The following CBR4 variants were observed in gnomAD, a reference collection of about 807,000 sequenced individuals.
CBR4 encodes carbonyl reductase 4.
CBR4 carries 22 observed loss-of-function variants against 21.0 expected under a neutral mutation model. The ratio of observed to expected loss-of-function variants is 1.05; its 90% CI spans 0.75 to 1.50. The LOEUF is 1.50. CBR4 is among the 40% of genes most tolerant of loss of function. The pLI, the probability that CBR4 is intolerant of heterozygous loss-of-function variation, is 0.00. For synonymous variants in CBR4, 100 were observed against 104.4 expected (o/e 0.96, Z 0.26); for missense variants, 302 against 286.3 (o/e 1.05, Z -0.40).
intron 2 of CBR4, among the ~76,000 whole-genome samples, chr4:168,980,055 A>G (rs1007149564): frequency 5.9e-5 from 9 of 152,074 alleles, no homozygotes; most frequent in Admixed American, 1.3e-4. Context: ...ATGGCTATGT[A>G]TATCCCTGGG....
rs149453944 is a variant in CBR4, at chr4:168,938,451, A to C, written n.170-43686T>G. On this transcript the variant is annotated intron_variant and non_coding_transcript_variant, in intron 2 of 3. Coordinates refer to the CBR4 transcript ENST00000509108. ...ATTCAAAAGCTAGCAGAAGACAAGA[A>C]ATAACTAAGATCAGAGCAGAATTGA... Among the ~76,000 whole-genome samples, 668 of 152,298 alleles carry C rather than the reference A, an allele frequency of 4.4e-3. 4 individuals are homozygous for C. Among genetic ancestry groups the C allele is most frequent in the African/African-American group, 0.015 (640 of 41,566 alleles).
intron 4 of CBR4, among the ~76,000 whole-genome samples, chr4:168,996,384 T>C (rs1185105898): frequency 1.3e-5 from 2 of 152,138 alleles, no homozygotes; most frequent in Non-Finnish European, 2.9e-5. Context: ...AACGTTCAGA[T>C]AGATCCCATG....
At chr4:168,959,332 T>C (rs1763775484) in intron 2 of CBR4, among the ~76,000 whole-genome samples, 2 of 152,188 alleles carry the variant, frequency 1.3e-5, no homozygotes, top group African/African-American at 4.8e-5. Flanking sequence ...TTGTCAAAAA[T>C]CAATTGACCA....
chr4:168,975,986 G>A (rs1162633544), intron 2 of CBR4, among the ~76,000 whole-genome samples: 1 of 152,160 alleles, frequency 6.6e-6, no homozygotes, highest in Non-Finnish European at 1.5e-5. Context: ...AGCAAGCTGG[G>A]CTGAGATCTT....
intron 2 of CBR4, among the ~76,000 whole-genome samples, chr4:168,959,202 ATTT>A (rs1461480046): frequency 1.3e-5 from 2 of 152,142 alleles, no homozygotes; most frequent in African/African-American, 4.8e-5. Flanking sequence ...ATTAAAATTA[ATTT>A]TTTTGTATGG....
chr4:168,980,806 T>G lies in CBR4; in HGVS notation n.169+21265A>C, dbSNP rs558542466. Among the ~76,000 whole-genome samples the G allele has an allele frequency of 2.0e-5, 3 of 152,242 alleles. No individual in the cohort carries two copies. The East Asian group carries it at 5.8e-4, about 29-fold the overall frequency. ...ACATCCAGAAATGAAGGCAAGTGAC[T>G]ACAGTCAAGTTACACCATGATTAAA... On this transcript the variant is annotated intron_variant and non_coding_transcript_variant, in intron 2 of 3. Coordinates refer to the CBR4 transcript ENST00000509108.
chr4:168,951,008 C>T lies in CBR4; in HGVS notation n.169+51063G>A, dbSNP rs537829573. Reference sequence around the variant, plus strand: ...ATGTGTTAAGTGAGTCTCTTGAAGTCAGCAGATAGTTGGTTTGTGAGTTCT... The same window carrying T: ...ATGTGTTAAGTGAGTCTCTTGAAGTTAGCAGATAGTTGGTTTGTGAGTTCT... On this transcript the variant is annotated intron_variant and non_coding_transcript_variant, in intron 2 of 3. Transcript: ENST00000509108. 2.6e-5 allele frequency among the ~76,000 whole-genome samples: 4 copies of T among 152,276 alleles called. No individual in the cohort carries two copies. The East Asian group carries it at 7.7e-4, about 29-fold the overall frequency.
intron 3 of CBR4, among the ~76,000 whole-genome samples, chr4:169,003,119 T>C (rs1446376743): frequency 2.0e-5 from 3 of 152,234 alleles, no homozygotes; most frequent in Non-Finnish European, 4.4e-5. Context: ...CTTTCAAGTC[T>C]TATTTAAGAA....
At chr4:168,922,387 C>T (rs901784898) in intron 2 of CBR4, among the ~76,000 whole-genome samples, 3 of 152,148 alleles carry the variant, frequency 2.0e-5, no homozygotes, top group African/African-American at 7.2e-5. Flanking sequence ...TTTATTTCTT[C>T]TACCTCTTTA....
intron 2 of CBR4, among the ~76,000 whole-genome samples, chr4:168,975,497 G>A (rs920416089): frequency 6.6e-6 from 1 of 152,206 alleles, no homozygotes; most frequent in African/African-American, 2.4e-5. Flanking sequence ...GTTCTGAGTT[G>A]CTGTAGTGGC....
intron 2 of CBR4, among the ~76,000 whole-genome samples, chr4:168,914,670 A>T (rs1465108023): frequency 6.6e-6 from 1 of 152,226 alleles, no homozygotes; most frequent in Admixed American, 6.5e-5. Flanking sequence ...AAATTCAGTA[A>T]GTCAACCATC....
At chr4:168,960,920 G>A (rs915239888) in intron 2 of CBR4, among the ~76,000 whole-genome samples, 16 of 152,106 alleles carry the variant, frequency 1.1e-4, no homozygotes, top group Admixed American at 3.9e-4. Context: ...AGCTGTTTCC[G>A]GTCGAAATTA....
chr4:168,963,715 C>G (rs1763931633), intron 2 of CBR4, among the ~76,000 whole-genome samples: 1 of 151,988 alleles, frequency 6.6e-6, no homozygotes, highest in South Asian at 2.1e-4. Flanking sequence ...GGTGATCTGC[C>G]CACCTCAGCC....
At chr4:168,971,917 T>C (rs1764222470) in intron 2 of CBR4, among the ~76,000 whole-genome samples, 1 of 152,208 alleles carries the variant, frequency 6.6e-6, no homozygotes, top group Admixed American at 6.5e-5. Context: ...TTTTATGGTT[T>C]TGGGTCTTAG....
At chr4:168,923,207 C>G (rs193274036) in intron 2 of CBR4, among the ~76,000 whole-genome samples, 190 of 152,298 alleles carry the variant, frequency 1.2e-3, no homozygotes, top group Non-Finnish European at 1.7e-3. Flanking sequence ...GCTTCTGTTC[C>G]CACTTCTCCC....
At chr4:168,927,454 G>A (rs1178436355) in intron 2 of CBR4, 3 of 232,720 alleles carry the variant, frequency 1.3e-5, no homozygotes, top group Non-Finnish European at 2.5e-5. Flanking sequence ...TGTAGTAGTG[G>A]AAGATTTTAG....
intron 2 of CBR4, among the ~76,000 whole-genome samples, chr4:168,950,779 T>C (rs2126701413): frequency 6.6e-6 from 1 of 152,304 alleles, no homozygotes; most frequent in East Asian, 1.9e-4. Flanking sequence ...CAGTGTTAGG[T>C]GCATATATAT....
At chr4:168,970,513 A>T (rs1764173250) in intron 2 of CBR4, among the ~76,000 whole-genome samples, 1 of 152,084 alleles carries the variant, frequency 6.6e-6, no homozygotes, top group Admixed American at 6.5e-5. Context: ...TCAATTTTTT[A>T]AGGAACAGGT....
At chr4:168,997,835 T>C (rs771560363) in intron 4 of CBR4, among the ~76,000 whole-genome samples, 4 of 152,126 alleles carry the variant, frequency 2.6e-5, no homozygotes, top group Non-Finnish European at 5.9e-5. Context: ...AGATGTCCAC[T>C]CTTTGATGTA....
Sources: gnomAD v4.1 joint callset for allele counts (sites outside exome capture counted in the v4.1 genomes callset) on GRCh38, gnomAD v4.1.1 for gene constraint, MANE v1.5 for transcripts, NCBI Gene and HGNC (gene_info 2026-07-23, HGNC 2026-07-21) for gene names.